NRXN2: variants seen among roughly 807,000 people sequenced by gnomAD.
The protein encoded by NRXN2 is neurexin-2-beta.
A neutral mutation model predicts 128.8 loss-of-function variants in NRXN2; 29 were observed. The ratio of observed to expected loss-of-function variants is 0.23; its 90% CI spans 0.17 to 0.31. The LOEUF (loss-of-function observed/expected upper bound fraction) is 0.31, where lower values mean the gene tolerates loss of function less well. Ranked by LOEUF, NRXN2 falls within the 10% of genes least tolerant of loss-of-function variation. NRXN2 has a pLI of 1.00. For missense variants in NRXN2, 1,881 were observed against 2,452.6 expected (o/e 0.77, Z 4.92); for synonymous variants, 1,098 against 1,075.2 (o/e 1.02, Z -0.41).
At position 64,607,472 on chromosome 11, in the gene NRXN2, GC is replaced by G; in HGVS notation, c.4862del (p.Gly1621AlafsTer8). ...TANPTGPGER[G>X]PPGAVEVIRE... ...GGATCACCTCCACTGCGCCCGGCGG[GC>G]CCCGCTCCCCAGGCCCTGTGGGGTT... On this transcript the variant is annotated frameshift_variant, in exon 23 of 23. Transcript: ENST00000265459. LOFTEE classifies it high-confidence loss of function. 6.2e-7 allele frequency: 1 copy of G among 1,607,750 alleles called. No individual in the cohort carries two copies.
intron 6 of NRXN2, among the ~76,000 whole-genome samples, chr11:64,683,064 G>T (rs1224890127): frequency 1.3e-5 from 2 of 152,152 alleles, no homozygotes; most frequent in African/African-American, 4.8e-5. Context: ...CTCAGTGCTG[G>T]TTCTCAGAGA....
rs374550860 is a variant in NRXN2 at position 64,693,942 on chromosome 11, A to G, written c.749-1066T>C. On this transcript the variant is annotated intron_variant, in intron 3 of 22. Coordinates refer to ENST00000265459, the MANE Select transcript of NRXN2 (RefSeq NM_015080.4). ...GAAAATAGAAAATGGACTGATAGGAAGACCAGCTAGGATTTCCATCCAGGA... is the reference window on the plus strand; with the variant it reads ...GAAAATAGAAAATGGACTGATAGGAGGACCAGCTAGGATTTCCATCCAGGA... Among the ~76,000 whole-genome samples, 42 of 152,214 alleles carry G rather than the reference A, an allele frequency of 2.8e-4. No individual in the cohort carries two copies. The East Asian group carries it at 5.0e-3, about 18-fold the overall frequency.
chr11:64,618,120 G>A (rs1004043202), intron 22 of NRXN2, among the ~76,000 whole-genome samples: 3 of 152,182 alleles, frequency 2.0e-5, no homozygotes, highest in Non-Finnish European at 2.9e-5. Flanking sequence ...CAGCTGACCC[G>A]CCTGCTTCAG....
At chr11:64,676,688 G>T (rs1360240735) in intron 7 of NRXN2, 1 of 502,490 alleles carries the variant, frequency 2.0e-6, no homozygotes, top group Non-Finnish European at 3.5e-6. Flanking sequence ...TGAACATGGG[G>T]CCTGCCCCCA....
At chr11:64,705,955 G>A (rs1302511639) in intron 2 of NRXN2, among the ~76,000 whole-genome samples, 4 of 143,486 alleles carry the variant, frequency 2.8e-5, no homozygotes, top group Non-Finnish European at 4.5e-5. Context: ...GACAACCAAG[G>A]CTCAGGGCCT....
At chr11:64,617,289 G>C (rs1346757644) in intron 22 of NRXN2, among the ~76,000 whole-genome samples, 1 of 152,062 alleles carries the variant, frequency 6.6e-6, no homozygotes, top group East Asian at 1.9e-4. Context: ...TACAGACCCT[G>C]CCTCTGTGGG....
Position 64,667,057 on chromosome 11 carries a change from T to C in NRXN2, c.1798+193A>G, listed in dbSNP as rs552709698. 6.6e-6 allele frequency among the ~76,000 whole-genome samples: 1 copy of C among 152,242 alleles called. No individual in the cohort carries two copies. Among genetic ancestry groups the C allele is most frequent in the South Asian group, 2.1e-4 (1 of 4,818 alleles). On this transcript the variant is annotated intron_variant, in intron 9 of 22. Coordinates refer to ENST00000265459, the MANE Select transcript of NRXN2 (RefSeq NM_015080.4). The surrounding 1 kb of genome is among the most constrained non-coding windows in gnomAD (Gnocchi z 5.6). ...TAATCCAGGTCTGACTGATGCCAAATGCTGTGCTCTTTCTGCCAATGTCCG... is the reference window on the plus strand; with the variant it reads ...TAATCCAGGTCTGACTGATGCCAAACGCTGTGCTCTTTCTGCCAATGTCCG...
At chr11:64,704,858 G>GA (rs533260523) in intron 2 of NRXN2, among the ~76,000 whole-genome samples, 46 of 152,318 alleles carry the variant, frequency 3.0e-4, no homozygotes, top group South Asian at 2.5e-3. Context: ...TGAGTCATCT[G>GA]AAAAAAGTTA....
chr11:64,622,742 TG>T lies in NRXN2; in HGVS notation c.4173+10del. The T allele has an allele frequency of 6.2e-7, 1 of 1,602,302 alleles. No individual in the cohort carries two copies. On this transcript the variant is annotated intron_variant, in intron 21 of 22. Coordinates refer to ENST00000265459, the MANE Select transcript of NRXN2 (RefSeq NM_015080.4). This position sits in a 1 kb window ranked among gnomAD's most constrained non-coding sequence, Gnocchi z 4.3. ...CCCTGCCCTAATCCACCAGCCAGAG[TG>T]GGGCCTCACCTGGGTGGTGCTGTCC...
At chr11:64,696,232 T>C (rs1238610820) in intron 3 of NRXN2, among the ~76,000 whole-genome samples, 1 of 151,718 alleles carries the variant, frequency 6.6e-6, no homozygotes, top group African/African-American at 2.4e-5. Flanking sequence ...GAAGGCTGCG[T>C]CCACCCAGAC....
intron 22 of NRXN2, among the ~76,000 whole-genome samples, chr11:64,614,566 C>G (rs2041177756): frequency 2.0e-5 from 3 of 152,234 alleles, no homozygotes; most frequent in Non-Finnish European, 4.4e-5. Flanking sequence ...GGAGTCTCCC[C>G]CAGAGAGCAG....
intron 1 of NRXN2, among the ~76,000 whole-genome samples, chr11:64,720,402 G>A (rs552715620): frequency 6.6e-4 from 100 of 152,322 alleles, no homozygotes; most frequent in Middle Eastern, 3.4e-3. Flanking sequence ...TGGGAGCTGC[G>A]AATGAAAGGA....
chr11:64,621,777 C>T (rs565771182), intron 21 of NRXN2, among the ~76,000 whole-genome samples: 1 of 152,306 alleles, frequency 6.6e-6, no homozygotes, highest in East Asian at 1.9e-4. Flanking sequence ...CAGGTGTGAG[C>T]CCTCCCTGTG....
chr11:64,615,197 G>A (rs1395910606), intron 22 of NRXN2, among the ~76,000 whole-genome samples: 1 of 152,208 alleles, frequency 6.6e-6, no homozygotes, highest in East Asian at 1.9e-4. Context: ...ACTCCATGCC[G>A]GGTCCCCTTC....
chr11:64,641,878 G>A (rs1038487395), intron 17 of NRXN2, among the ~76,000 whole-genome samples: 35 of 152,002 alleles, frequency 2.3e-4, no homozygotes, highest in African/African-American at 8.5e-4. Context: ...AGACACTAGA[G>A]ATTAGGGGAA....
intron 22 of NRXN2, among the ~76,000 whole-genome samples, chr11:64,612,155 A>C (rs1030562851): frequency 6.6e-6 from 1 of 152,146 alleles, no homozygotes; most frequent in Non-Finnish European, 1.5e-5. Flanking sequence ...CCAGTTCAGG[A>C]AGGATCAGAA....
At position 64,648,075 on chromosome 11, in the gene NRXN2, T is replaced by C; in HGVS notation, c.3403+144A>G. ...AGGGGACAGCAGGCCACAGCTCCCC[T>C]GGGACTCTGCAGACAAGGGATGAGA... On this transcript the variant is annotated intron_variant, in intron 17 of 22. Coordinates refer to ENST00000265459, the MANE Select transcript of NRXN2 (RefSeq NM_015080.4). The surrounding 1 kb of genome is among the most constrained non-coding windows in gnomAD (Gnocchi z 4.1). The C allele has an allele frequency of 2.5e-6, 3 of 1,204,178 alleles. No homozygotes were observed. The highest frequency in any genetic ancestry group is 3.6e-6 in the Non-Finnish European group (3 of 836,996). 74.6% of individuals were successfully genotyped at this position (1,204,178 alleles called of 1,614,324 possible).
At chr11:64,697,711 T>C in intron 3 of NRXN2, 64 bp downstream of exon 3, 1 of 1,596,448 alleles carries the variant, frequency 6.3e-7, no homozygotes, top group Non-Finnish European at 8.6e-7. Context: ...CCAACGACAG[T>C]CCCTCATGTA....
chr11:64,701,030 C>T (rs183056265), intron 2 of NRXN2, among the ~76,000 whole-genome samples: 5 of 152,334 alleles, frequency 3.3e-5, no homozygotes, highest in Admixed American at 3.3e-4. Flanking sequence ...CTTATCATCC[C>T]TCCATTTCCA....
Sources: gnomAD v4.1 joint callset for allele counts (sites outside exome capture counted in the v4.1 genomes callset) on GRCh38, gnomAD v4.1.1 for gene constraint, Gnocchi (gnomAD v3.1) non-coding constraint, MANE v1.5 for transcripts, NCBI Gene and HGNC (gene_info 2026-07-23, HGNC 2026-07-21) for gene names.